The following KCNH8 variants were observed in gnomAD, a reference collection of about 807,000 sequenced individuals.
KCNH8 encodes the protein potassium voltage-gated channel subfamily H member 8.
Under a neutral mutation model 103.6 loss-of-function variants are expected in KCNH8, and 70 were observed. That is an observed-to-expected ratio of 0.68 (90% confidence interval 0.56 to 0.82). KCNH8 has a LOEUF of 0.82. Among genes scored for constraint, KCNH8 ranks in the 40% least tolerant of loss-of-function variants. The pLI is 0.00. For missense variants in KCNH8, 1,217 were observed against 1,329.9 expected (o/e 0.92, Z 1.32); for synonymous variants, 498 against 489.4 (o/e 1.02, Z -0.23).
intron 5 of KCNH8, among the ~76,000 whole-genome samples, chr3:19,363,168 C>T (rs1180252974): frequency 6.6e-6 from 1 of 152,048 alleles, no homozygotes; most frequent in Admixed American, 6.6e-5. Flanking sequence ...TCTGAAAAGC[C>T]AAGAGAAGGT....
At chr3:19,182,266 T>C (rs931061647) in intron 1 of KCNH8, among the ~76,000 whole-genome samples, 3 of 152,114 alleles carry the variant, frequency 2.0e-5, no homozygotes, top group Non-Finnish European at 4.4e-5. Context: ...TGGTGGCTCA[T>C]GCCTGTAATC....
At chr3:19,452,722 A>T (rs936848940) in intron 10 of KCNH8, among the ~76,000 whole-genome samples, 25 of 152,184 alleles carry the variant, frequency 1.6e-4, no homozygotes, top group African/African-American at 5.3e-4. Context: ...ATTATTTGCA[A>T]AGTGTGCTCA....
chr3:19,464,771 A>C (rs937970120), intron 11 of KCNH8, among the ~76,000 whole-genome samples: 3 of 152,046 alleles, frequency 2.0e-5, no homozygotes, highest in Non-Finnish European at 4.4e-5. Context: ...CCATTATCCA[A>C]ATGGCATATC....
At chr3:19,468,841 C>A (rs983023642) in intron 11 of KCNH8, among the ~76,000 whole-genome samples, 1 of 152,222 alleles carries the variant, frequency 6.6e-6, no homozygotes, top group South Asian at 2.1e-4. Flanking sequence ...CTAGATCTTT[C>A]GAATGAAGTT....
At chr3:19,370,462 A>G (rs2066073077) in intron 5 of KCNH8, among the ~76,000 whole-genome samples, 2 of 152,034 alleles carry the variant, frequency 1.3e-5, no homozygotes, top group Admixed American at 6.6e-5. Flanking sequence ...TGAGTGAGAG[A>G]GCTGCATTAG....
chr3:19,364,345 T>G (rs1160215480), intron 5 of KCNH8, among the ~76,000 whole-genome samples: 2 of 152,154 alleles, frequency 1.3e-5, no homozygotes, highest in Non-Finnish European at 2.9e-5. Flanking sequence ...TAACAATGAC[T>G]CAATACGGCA....
rs973485055 is a variant in KCNH8, at chr3:19,395,118, T to A, written c.984T>A (p.His328Gln). 1.2e-6 allele frequency: 2 copies of A among 1,611,928 alleles called. No individual in the cohort carries two copies. The highest frequency in any genetic ancestry group is 4.5e-5 in the East Asian group (2 of 44,820). ...TCTTACCACAGGTGTCTCTCGTGCA[T>A]CTTCTAAAGACAGTGCGCCTCTTGC... ...AFNVTVVSLV[H>Q]LLKTVRLLRL... Residue 328 changes from histidine (H) to glutamine (Q), a missense_variant, in exon 7 of 16, where the codon CAT becomes CAA. Coordinates refer to ENST00000328405, the MANE Select transcript of KCNH8 (RefSeq NM_144633.3).
At chr3:19,182,071 G>A (rs1225187708) in intron 1 of KCNH8, among the ~76,000 whole-genome samples, 1 of 151,944 alleles carries the variant, frequency 6.6e-6, no homozygotes, top group Non-Finnish European at 1.5e-5. Context: ...CCCCAAAACT[G>A]TTCTTTTATA....
intron 7 of KCNH8, among the ~76,000 whole-genome samples, chr3:19,420,983 G>A (rs908206774): frequency 2.0e-5 from 3 of 152,090 alleles, no homozygotes; most frequent in Non-Finnish European, 4.4e-5. Context: ...ACATGCATAC[G>A]TGTGTTAAGA....
At position 19,517,698 on chromosome 3, in the gene KCNH8, G is replaced by T. The variant is rs551910611; in HGVS notation, c.2543-300G>T. Among the ~76,000 whole-genome samples, 231 of 152,044 alleles carry T rather than the reference G, an allele frequency of 1.5e-3. 1 individual carries two copies. Among genetic ancestry groups the T allele is most frequent in the Non-Finnish European group, 1.9e-3 (132 of 67,920 alleles). Reference sequence around the variant, plus strand: ...AGTTTTAAACAATGGTCAAAGAAAAGAAAATGTGCCATCTTGGAACGTGGT... The same window carrying T: ...AGTTTTAAACAATGGTCAAAGAAAATAAAATGTGCCATCTTGGAACGTGGT... On this transcript the variant is annotated intron_variant, in intron 14 of 15. Transcript: ENST00000328405.
intron 8 of KCNH8, among the ~76,000 whole-genome samples, chr3:19,440,518 C>G (rs981596797): frequency 6.6e-6 from 1 of 152,142 alleles, no homozygotes; most frequent in African/African-American, 2.4e-5. Flanking sequence ...TGCAGGGGAA[C>G]TGCCCTTTAT....
At chr3:19,331,249 T>TTTATTTA in intron 3 of KCNH8, among the ~76,000 whole-genome samples, 2 of 144,610 alleles carry the variant, frequency 1.4e-5, no homozygotes, top group African/African-American at 5.1e-5. Context: ...CTTTAATTAT[T>TTTATTTA]TTTATTTATT....
Position 19,456,871 on chromosome 3 carries a change from C to A in KCNH8, c.1929C>A (p.Ile643=). ...CCTACTGTGATCTCCAGTGTATCAT[C>A]CTCAAAGGACTCTTTGAAGTGCTAG... is the stretch of plus-strand genomic sequence containing the variant. ...ALTYCDLQCI[I]LKGLFEVLDL... Residue 643 remains isoleucine, a synonymous_variant, in exon 11 of 16, where the codon ATC becomes ATA. Transcript: ENST00000328405. 1 of 1,612,318 alleles carries A rather than the reference C, an allele frequency of 6.2e-7. No homozygotes were observed. Among genetic ancestry groups the A allele is most frequent in the Non-Finnish European group, 8.5e-7 (1 of 1,178,772 alleles).
intron 2 of KCNH8, among the ~76,000 whole-genome samples, chr3:19,271,193 A>G (rs931657665): frequency 4.6e-5 from 7 of 152,176 alleles, no homozygotes; most frequent in African/African-American, 1.4e-4. Flanking sequence ...ACTGAGAGTC[A>G]TATGATTTGA....
chr3:19,232,286 T>C (rs1445081660), intron 1 of KCNH8, among the ~76,000 whole-genome samples: 1 of 152,216 alleles, frequency 6.6e-6, no homozygotes, highest in Non-Finnish European at 1.5e-5. Flanking sequence ...ATAATCTGAC[T>C]CTTGGTTTTA....
chr3:19,258,391 T>C (rs529865184), intron 2 of KCNH8, among the ~76,000 whole-genome samples: 52 of 152,124 alleles, frequency 3.4e-4, no homozygotes, highest in African/African-American at 1.2e-3. Context: ...CTGGAGGTTT[T>C]TGACTCAGTA....
At chr3:19,303,976 T>C (rs1011766073) in intron 3 of KCNH8, among the ~76,000 whole-genome samples, 1 of 152,124 alleles carries the variant, frequency 6.6e-6, no homozygotes, top group Non-Finnish European at 1.5e-5. Context: ...GGTTGAGTCC[T>C]ATTCTTTTGT....
intron 5 of KCNH8, among the ~76,000 whole-genome samples, chr3:19,349,062 TC>T (rs1374668428): frequency 6.6e-6 from 1 of 152,000 alleles, no homozygotes; most frequent in Non-Finnish European, 1.5e-5. Context: ...GGCACACCCT[TC>T]AGAGCCTTGA....
chr3:19,303,909 T>C (rs2065096256), intron 3 of KCNH8, among the ~76,000 whole-genome samples: 1 of 152,046 alleles, frequency 6.6e-6, no homozygotes, highest in African/African-American at 2.4e-5. Flanking sequence ...ACCCTTGATT[T>C]TGAGGGTGGA....
Sources: allele counts gnomAD v4.1 joint callset (sites outside exome capture counted in the v4.1 genomes callset), GRCh38; gene constraint gnomAD v4.1.1; transcripts MANE v1.5; gene names NCBI Gene and HGNC (gene_info 2026-07-23, HGNC 2026-07-21).